The following PHACTR3 variants were observed in gnomAD, a reference collection of about 807,000 sequenced individuals.
The protein encoded by PHACTR3 is phosphatase and actin regulator 3, also known as protein phosphatase 1, regulatory subunit 123.
Under a neutral mutation model 66.8 loss-of-function variants are expected in PHACTR3, and 16 were observed. That is an observed-to-expected ratio of 0.24 (90% CI 0.16 to 0.36). The LOEUF is 0.36. PHACTR3 is among the 10% of genes least tolerant of loss of function. PHACTR3 has a pLI of 1.00. For missense variants in PHACTR3, 647 were observed against 719.9 expected (o/e 0.90, Z 1.16); for synonymous variants, 323 against 292.1 (o/e 1.11, Z -1.08).
intron 1 of PHACTR3, among the ~76,000 whole-genome samples, chr20:59,621,973 T>C (rs930273745): frequency 2.0e-5 from 3 of 152,356 alleles, no homozygotes; most frequent in South Asian, 2.1e-4. Context: ...ATCTGTCTTT[T>C]AGGCAATAAC....
chr20:59,815,283 G>A (rs1382717057), intron 8 of PHACTR3, among the ~76,000 whole-genome samples: 1 of 152,204 alleles, frequency 6.6e-6, no homozygotes, highest in Non-Finnish European at 1.5e-5. Context: ...TCACCAGAAA[G>A]AAGGTAAATG....
At chr20:59,605,234 G>T in intron 1 of PHACTR3, 102 bp downstream of exon 1, 1 of 852,266 alleles carries the variant, frequency 1.2e-6, no homozygotes, top group Non-Finnish European at 1.6e-6. Context: ...TGCATTCGGG[G>T]AGCCGCGGCA....
At chr20:59,625,884 C>T (rs2034430945) in intron 1 of PHACTR3, among the ~76,000 whole-genome samples, 1 of 152,092 alleles carries the variant, frequency 6.6e-6, no homozygotes, top group African/African-American at 2.4e-5. Flanking sequence ...ATCTGGGTGG[C>T]ATTTGGAGGG....
chr20:59,755,400 C>G (rs1478419386), intron 4 of PHACTR3, 36 bp downstream of exon 4: 1 of 1,601,594 alleles, frequency 6.2e-7, no homozygotes, highest in East Asian at 2.2e-5. Flanking sequence ...TGAGCTGCTC[C>G]TAGAATGGCC....
chr20:59,673,887 C>T (rs1226979607), intron 1 of PHACTR3, among the ~76,000 whole-genome samples: 1 of 152,138 alleles, frequency 6.6e-6, no homozygotes, highest in Non-Finnish European at 1.5e-5. Context: ...CTGACCTGCA[C>T]AGTGGAAGAG....
chr20:59,763,109 T>C (rs902393847), intron 4 of PHACTR3, among the ~76,000 whole-genome samples: 10 of 152,046 alleles, frequency 6.6e-5, no homozygotes, highest in African/African-American at 1.2e-4. Flanking sequence ...GTGGAGGCAA[T>C]TGAATCACAG....
chr20:59,715,705 G>A (rs2038066298), intron 1 of PHACTR3, among the ~76,000 whole-genome samples: 1 of 151,966 alleles, frequency 6.6e-6, no homozygotes, highest in African/African-American at 2.4e-5. Flanking sequence ...TCTTCCTTGA[G>A]AGCTTGGAGG....
chr20:59,810,257 A>G (rs1240746412), intron 8 of PHACTR3, among the ~76,000 whole-genome samples: 2 of 152,254 alleles, frequency 1.3e-5, no homozygotes, highest in African/African-American at 2.4e-5. Context: ...ACGCCCCCCT[A>G]TGTAAGAAGT....
At position 59,599,342 on chromosome 20, in the gene PHACTR3, G is replaced by A. The variant is rs534465167; in HGVS notation, c.109+21725G>A. Among the ~76,000 whole-genome samples, 17 of 152,330 alleles carry A rather than the reference G, an allele frequency of 1.1e-4. No homozygotes were observed. In the East Asian group the frequency reaches 2.9e-3, roughly 26 times the overall value. Reference sequence around the variant, plus strand: ...TGAAGCCGACATTGCCACCATCCAGGTCCTTGGCCCATCAGCTCCCCAGGG... The same window carrying A: ...TGAAGCCGACATTGCCACCATCCAGATCCTTGGCCCATCAGCTCCCCAGGG... On this transcript the variant is annotated intron_variant, in intron 1 of 12. Coordinates refer to the PHACTR3 transcript ENST00000359926.
intron 6 of PHACTR3, among the ~76,000 whole-genome samples, 167 bp from the exon 7 acceptor site, chr20:59,774,076 T>C (rs563332740): frequency 6.6e-6 from 1 of 152,324 alleles, no homozygotes; most frequent in African/African-American, 2.4e-5. Context: ...CCATTTGCCT[T>C]GAACTCAAAT....
chr20:59,834,084 C>T (rs2145484634), intron 8 of PHACTR3, among the ~76,000 whole-genome samples: 1 of 152,304 alleles, frequency 6.6e-6, no homozygotes, highest in Admixed American at 6.5e-5. Context: ...CGTTTTACTT[C>T]CCAAGATCCC....
intron 1 of PHACTR3, among the ~76,000 whole-genome samples, chr20:59,708,399 G>C (rs569316008): frequency 6.6e-6 from 1 of 152,218 alleles, no homozygotes; most frequent in African/African-American, 2.4e-5. Flanking sequence ...AATCACAGAG[G>C]CAGGAAGGGG....
At chr20:59,637,696 T>TAA (rs34038040) in intron 1 of PHACTR3, among the ~76,000 whole-genome samples, 7 of 143,216 alleles carry the variant, frequency 4.9e-5, no homozygotes, top group South Asian at 2.2e-4. Context: ...CACAAAGCAT[T>TAA]AAAAAAAAAA....
chr20:59,717,691 T>A (rs2038143556), intron 1 of PHACTR3, among the ~76,000 whole-genome samples: 1 of 152,172 alleles, frequency 6.6e-6, no homozygotes, highest in South Asian at 2.1e-4. Context: ...ATCTGTTCCT[T>A]GTTAGAGATC....
chr20:59,577,970 C>T (rs138713042), intron 1 of PHACTR3, among the ~76,000 whole-genome samples: 4 of 152,380 alleles, frequency 2.6e-5, no homozygotes, highest in Admixed American at 1.3e-4. Context: ...GTTTCTGCAT[C>T]TGTGAAATGG....
At chr20:59,652,945 T>C (rs1297950722) in intron 1 of PHACTR3, among the ~76,000 whole-genome samples, 1 of 152,154 alleles carries the variant, frequency 6.6e-6, no homozygotes, top group African/African-American at 2.4e-5. Flanking sequence ...TTAAAATAAA[T>C]GCTGGGAGTA....
At chr20:59,769,596 T>C (rs148140540) in intron 5 of PHACTR3, among the ~76,000 whole-genome samples, 218 of 152,324 alleles carry the variant, frequency 1.4e-3, no homozygotes, top group African/African-American at 5.0e-3. Context: ...GCCTTGTCTG[T>C]TGGATGGTTT....
Position 59,738,576 on chromosome 20 carries a change from C to T in PHACTR3, c.119-4531C>T, listed in dbSNP as rs1044196530. ...CTGTAGTTTATTCTGTGTGCTACTC[C>T]GTTTTGCCTTGGCTGCTAGGAAGCT... is the stretch of plus-strand genomic sequence containing the variant. On this transcript the variant is annotated intron_variant, in intron 1 of 12. Transcript: ENST00000371015. The surrounding 1 kb of genome is among the most constrained non-coding windows in gnomAD (Gnocchi z 4.4). 1.3e-5 allele frequency among the ~76,000 whole-genome samples: 2 copies of T among 152,022 alleles called. No individual in the cohort carries two copies. The highest frequency in any genetic ancestry group is 4.8e-5 in the African/African-American group (2 of 41,392).
intron 7 of PHACTR3, among the ~76,000 whole-genome samples, chr20:59,792,894 A>AT (rs948532198): frequency 5.9e-5 from 9 of 151,772 alleles, no homozygotes; most frequent in African/African-American, 1.7e-4. Flanking sequence ...ATTTTATTTT[A>AT]TTTTTTTAGA....
Sources: gnomAD v4.1 joint callset for allele counts (sites outside exome capture counted in the v4.1 genomes callset) on GRCh38, gnomAD v4.1.1 for gene constraint, Gnocchi (gnomAD v3.1) non-coding constraint, MANE v1.5 for transcripts, NCBI Gene and HGNC (gene_info 2026-07-23, HGNC 2026-07-21) for gene names.